Variants in SLC26A5 observed in about 807,000 individuals in gnomAD.
SLC26A5 encodes the protein solute carrier family 26 member 5.
A neutral mutation model predicts 81.0 loss-of-function variants in SLC26A5; 51 were observed. The observed-to-expected ratio is 0.63, with a 90% CI of 0.50 to 0.80. The LOEUF is 0.80. SLC26A5 is among the 30% of genes least tolerant of loss of function. The pLI is 0.00. For synonymous variants in SLC26A5, 325 were observed against 332.8 expected (o/e 0.98, Z 0.25); for missense variants, 771 against 905.8 (o/e 0.85, Z 1.91).
intron 8 of SLC26A5, among the ~76,000 whole-genome samples, chr7:103,402,520 C>A (rs1000831904): frequency 6.6e-6 from 1 of 151,830 alleles, no homozygotes; most frequent in Non-Finnish European, 1.5e-5. Context: ...CTGCCTCAAC[C>A]TCCCAAGTAG....
At chr7:103,429,540 T>A (rs1486998919) in intron 2 of SLC26A5, among the ~76,000 whole-genome samples, 1 of 152,266 alleles carries the variant, frequency 6.6e-6, no homozygotes, top group East Asian at 1.9e-4. Context: ...TATGGCTTTA[T>A]CAGCCTTTCC....
intron 19 of SLC26A5, among the ~76,000 whole-genome samples, chr7:103,375,590 A>T (rs74411677): frequency 0.049 from 7,481 of 152,104 alleles, 574 homozygotes; most frequent in African/African-American, 0.17. Flanking sequence ...GCACTTTTTA[A>T]AATTATTATT....
At position 103,367,744 on chromosome 7, in the gene SLC26A5, G is replaced by A. The variant is rs772460361; in HGVS notation, c.2041+9064C>T. The A allele has an allele frequency of 3.1e-6, 5 of 1,613,612 alleles. No individual in the cohort carries two copies. The highest frequency in any genetic ancestry group is 4.2e-6 in the Non-Finnish European group (5 of 1,179,868). On this transcript the variant is annotated intron_variant, in intron 19 of 19. Coordinates refer to the SLC26A5 transcript ENST00000339444. The surrounding 1 kb of genome is among the most constrained non-coding windows in gnomAD (Gnocchi z 6.1). ...ACCCACATATTTAAGATTCACGCTCGTTCAATGAGTGTTGAAAGAGATATC... is the reference window on the plus strand; with the variant it reads ...ACCCACATATTTAAGATTCACGCTCATTCAATGAGTGTTGAAAGAGATATC...
intron 2 of SLC26A5, among the ~76,000 whole-genome samples, chr7:103,435,391 G>A (rs896799587): frequency 4.1e-4 from 62 of 152,196 alleles, no homozygotes; most frequent in Non-Finnish European, 5.0e-4. Flanking sequence ...TAAGGATTTC[G>A]TTTGTTTTTC....
Position 103,420,824 on chromosome 7 carries a change from T to G in SLC26A5, c.206A>C (p.Lys69Thr). The stretch of plus-strand genomic sequence containing the variant: ...CTTGAATTTGTATGCTGGCAGCCAT[T>G]TAGTTATGGGTAGGAACATATAAAT... ...NIIYMFLPITKWLPAYKFKEY... is the reference protein window; with the variant it reads ...NIIYMFLPITTWLPAYKFKEY... Residue 69 changes from lysine to threonine, a missense_variant, in exon 4 of 20, where the codon AAA becomes ACA. By Grantham distance (78) the Lys-to-Thr change is moderately conservative. Transcript: ENST00000306312. 6.2e-7 allele frequency: 1 copy of G among 1,613,922 alleles called. No individual in the cohort carries two copies. The highest frequency in any genetic ancestry group is 8.5e-7 in the Non-Finnish European group (1 of 1,179,784).
At chr7:103,355,904 C>A in intron 19 of SLC26A5, 1 of 736,798 alleles carries the variant, frequency 1.4e-6, no homozygotes, top group South Asian at 2.8e-5. Context: ...TTCCAAATTC[C>A]AAGTAAATAA....
At chr7:103,398,849 G>C (rs1398242652) in intron 8 of SLC26A5, among the ~76,000 whole-genome samples, 2 of 152,002 alleles carry the variant, frequency 1.3e-5, no homozygotes, top group African/African-American at 4.8e-5. Context: ...GGAGACCAGG[G>C]GCATGGGTGA....
intron 1 of SLC26A5, among the ~76,000 whole-genome samples, chr7:103,443,948 T>C (rs904302789): frequency 2.0e-5 from 3 of 152,244 alleles, no homozygotes; most frequent in Admixed American, 6.5e-5. Context: ...AAGTCCCTAG[T>C]GTCCTCCAGA....
chr7:103,415,196 A>G (rs1258504845), intron 4 of SLC26A5, among the ~76,000 whole-genome samples: 1 of 152,182 alleles, frequency 6.6e-6, no homozygotes, highest in Non-Finnish European at 1.5e-5. Context: ...ATGTATAATA[A>G]CATGGTCACT....
chr7:103,395,832 A>T lies in SLC26A5; in HGVS notation c.971+2100T>A, dbSNP rs563082789. ...CCGTGCCCGGCCAATAATATGTTTTAAAAATGTACAGTTAGATAATATAGA... is the reference window on the plus strand; with the variant it reads ...CCGTGCCCGGCCAATAATATGTTTTTAAAATGTACAGTTAGATAATATAGA... On this transcript the variant is annotated intron_variant, in intron 9 of 19. Coordinates refer to ENST00000306312, the MANE Select transcript of SLC26A5 (RefSeq NM_198999.3). Among the ~76,000 whole-genome samples, 17 of 152,168 alleles carry T rather than the reference A, an allele frequency of 1.1e-4. 1 individual carries two copies. In the South Asian group the frequency reaches 3.1e-3, roughly 28 times the overall value.
intron 2 of SLC26A5, among the ~76,000 whole-genome samples, chr7:103,430,076 CT>C (rs34122107): frequency 4.0e-3 from 543 of 137,186 alleles, no homozygotes; most frequent in African/African-American, 6.8e-3. Context: ...GGAAATGGCA[CT>C]TTTTTTTTTT....
intron 2 of SLC26A5, among the ~76,000 whole-genome samples, chr7:103,440,858 T>C (rs1055340260): frequency 2.6e-5 from 4 of 152,190 alleles, no homozygotes; most frequent in African/African-American, 9.7e-5. Flanking sequence ...GGAAAAAATA[T>C]GCTTCAACCT....
chr7:103,388,741 T>C (rs1822406839), intron 14 of SLC26A5: 1 of 397,776 alleles, frequency 2.5e-6, no homozygotes, highest in Non-Finnish European at 4.8e-6. Flanking sequence ...GCAGAAACAA[T>C]GATGGAAATT....
In SLC26A5 at chr7:103,376,932, T is replaced by C. The variant is rs574553105; in HGVS notation, c.1987-70A>G. 39 of 1,069,344 alleles carry C rather than the reference T, an allele frequency of 3.6e-5. 1 individual carries two copies. In the African/African-American group the frequency reaches 3.9e-4, roughly 11 times the overall value. 66.2% of individuals were successfully genotyped at this position (1,069,344 alleles called of 1,614,324 possible). On this transcript the variant is annotated intron_variant, in intron 18 of 19. Coordinates refer to ENST00000306312, the MANE Select transcript of SLC26A5 (RefSeq NM_198999.3). ...CCAGATGAAAGTCTCTTTTTACCAA[T>C]GTTTTTCGTGATAGAAGACACTCTA... is the stretch of plus-strand genomic sequence containing the variant.
rs147292144 is a variant in SLC26A5 at position 103,374,471 on chromosome 7, T to C, written c.2163A>G (p.Glu721=). Residue 721 remains glutamate (E), a synonymous_variant, in exon 20 of 20, where the codon GAA becomes GAG. Coordinates refer to ENST00000306312, the MANE Select transcript of SLC26A5 (RefSeq NM_198999.3). ...GGGAAGGGGGAGCCGAGGCTTCCTG[T>C]TCAGCAAGTGCCTCTCTAAGTTGGC... ...LGSQLREALA[E]QEASAPPSQE... is the part of the protein sequence containing the mutation. 1.2e-6 allele frequency: 2 copies of C among 1,613,580 alleles called. No individual in the cohort carries two copies. Among genetic ancestry groups the C allele is most frequent in the Admixed American group, 1.7e-5 (1 of 60,020 alleles).
intron 14 of SLC26A5, among the ~76,000 whole-genome samples, chr7:103,381,933 T>TCA (rs59960919): frequency 0.58 from 86,823 of 149,172 alleles, 26,947 homozygotes; most frequent in Middle Eastern, 0.72. Flanking sequence ...ACACTTCACA[T>TCA]CACACACACA....
rs561371757 is a variant in SLC26A5 at position 103,353,601 on chromosome 7, G to A, written c.2042-675C>T. ...GGATTATAGGCAGGAGCCACCGCAC[G>A]GGGCCTGCATTGTATTTCATTGTAT... On this transcript the variant is annotated intron_variant, in intron 19 of 19. Coordinates refer to the SLC26A5 transcript ENST00000339444. Among the ~76,000 whole-genome samples the A allele has an allele frequency of 5.9e-5, 9 of 152,248 alleles. No homozygotes were observed. The South Asian group carries it at 1.2e-3, about 21-fold the overall frequency.
chr7:103,390,115 C>T (rs1822526732), intron 12 of SLC26A5, among the ~76,000 whole-genome samples: 1 of 152,138 alleles, frequency 6.6e-6, no homozygotes, highest in African/African-American at 2.4e-5. Flanking sequence ...TAGACCATCT[C>T]AGGTTTTTTA....
chr7:103,376,236 T>C (rs1821346085), intron 19 of SLC26A5, among the ~76,000 whole-genome samples: 1 of 151,850 alleles, frequency 6.6e-6, no homozygotes, highest in African/African-American at 2.4e-5. Flanking sequence ...CCACCATGTC[T>C]GGCTAATTTT....
Sources: gnomAD v4.1 joint callset for allele counts (sites outside exome capture counted in the v4.1 genomes callset) on GRCh38, gnomAD v4.1.1 for gene constraint, Gnocchi (gnomAD v3.1) non-coding constraint, MANE v1.5 for transcripts, NCBI Gene and HGNC (gene_info 2026-07-23, HGNC 2026-07-21) for gene names.